The following LYPLAL1 variants were observed in gnomAD, a reference collection of about 807,000 sequenced individuals.
The protein encoded by LYPLAL1 is lysophospholipase-like protein 1.
In LYPLAL1, 23 loss-of-function variants were observed where a neutral mutation model predicts 19.7. That is an observed-to-expected ratio of 1.17 (90% CI 0.84 to 1.65). LYPLAL1 has a LOEUF of 1.65. Among genes scored for constraint, LYPLAL1 ranks in the 40% most tolerant of loss-of-function variants. LYPLAL1 has a pLI of 0.00. For missense variants in LYPLAL1, 355 were observed against 279.4 expected (o/e 1.27, Z -1.93); for synonymous variants, 119 against 96.3 (o/e 1.24, Z -1.38).
the LYPLAL1 span, chr1:219,222,754 T>C: frequency 6.6e-6 from 1 of 152,138 alleles, no homozygotes; most frequent in South Asian, 2.1e-4. Flanking sequence ...CAAAATACCA[T>C]AGAATCATTA....
At chr1:219,228,999 G>T in the LYPLAL1 span, among the ~76,000 whole-genome samples, 1 of 151,950 alleles carries the variant, frequency 6.6e-6, no homozygotes, top group Admixed American at 6.6e-5. Flanking sequence ...TATATGTATT[G>T]TAACTCTTTT....
At chr1:219,246,694 C>CT in the LYPLAL1 span, among the ~76,000 whole-genome samples, 1 of 152,172 alleles carries the variant, frequency 6.6e-6, no homozygotes, top group East Asian at 1.9e-4. Context: ...TCAAGTGATC[C>CT]TCCCACCTCA....
chr1:219,437,579 C>G, the LYPLAL1 span, among the ~76,000 whole-genome samples: 1 of 151,844 alleles, frequency 6.6e-6, no homozygotes, highest in Non-Finnish European at 1.5e-5. Flanking sequence ...CTGCCAGGTA[C>G]CTCTCCCAAA....
chr1:219,382,671 A>T, the LYPLAL1 span, among the ~76,000 whole-genome samples: 1 of 152,188 alleles, frequency 6.6e-6, no homozygotes, highest in African/African-American at 2.4e-5. Context: ...CCAAGTTGCC[A>T]CATATTTTTA....
At chr1:219,279,842 T>C in the LYPLAL1 span, among the ~76,000 whole-genome samples, 1 of 152,162 alleles carries the variant, frequency 6.6e-6, no homozygotes, top group Non-Finnish European at 1.5e-5. Flanking sequence ...AGTCATATTT[T>C]AGCCAGTCAT....
the LYPLAL1 span, among the ~76,000 whole-genome samples, chr1:219,444,757 C>A: frequency 6.6e-6 from 1 of 152,186 alleles, no homozygotes. Flanking sequence ...GCAGGAGAGT[C>A]TTTGATGATG....
the LYPLAL1 span, among the ~76,000 whole-genome samples, chr1:219,285,967 G>GAGAT: frequency 6.6e-6 from 1 of 152,206 alleles, no homozygotes; most frequent in East Asian, 1.9e-4. Context: ...ATTAGAGACA[G>GAGAT]AGATAGAGAT....
At chr1:219,190,856 T>C (rs116040454) in intron 2 of LYPLAL1, among the ~76,000 whole-genome samples, 1 of 151,682 alleles carries the variant, frequency 6.6e-6, no homozygotes, top group African/African-American at 2.4e-5. Context: ...AAATCAATGT[T>C]GATAGTCTCA....
chr1:219,211,824 AAC>A lies in LYPLAL1; in HGVS notation c.*99_*100del. ...AATGATAATTAAAATATTAAGAAAT[AAC>A]ACTTTCCTGACTTTTTTATTATTAA... On this transcript the variant is annotated 3_prime_UTR_variant, in exon 5 of 5. Coordinates refer to ENST00000366928, the MANE Select transcript of LYPLAL1 (RefSeq NM_138794.5). 2 of 790,200 alleles carry A rather than the reference AAC, an allele frequency of 2.5e-6. No individual in the cohort carries two copies. Among genetic ancestry groups the A allele is most frequent in the South Asian group, 2.0e-5 (1 of 49,828 alleles). 48.9% of individuals were successfully genotyped at this position (790,200 alleles called of 1,614,324 possible).
chr1:219,210,852 A>G (rs1263694507), intron 4 of LYPLAL1, among the ~76,000 whole-genome samples: 1 of 152,102 alleles, frequency 6.6e-6, no homozygotes, highest in Non-Finnish European at 1.5e-5. Flanking sequence ...CCCCTGTACA[A>G]GAAATATTGT....
intron 2 of LYPLAL1, among the ~76,000 whole-genome samples, chr1:219,185,658 T>C (rs1400244994): frequency 2.0e-5 from 3 of 151,884 alleles, no homozygotes; most frequent in Non-Finnish European, 2.9e-5. Context: ...ATGGGAAAAC[T>C]TGAAGATTGG....
chr1:219,307,312 C>A, the LYPLAL1 span, among the ~76,000 whole-genome samples: 1 of 152,156 alleles, frequency 6.6e-6, no homozygotes, highest in East Asian at 1.9e-4. Flanking sequence ...ATTTCACACT[C>A]TTTTCTGTTC....
At chr1:219,375,511 A>T in the LYPLAL1 span, among the ~76,000 whole-genome samples, 6 of 151,054 alleles carry the variant, frequency 4.0e-5, no homozygotes, top group African/African-American at 1.2e-4. Flanking sequence ...AAAAAAAAAA[A>T]AAAAGGAACA....
At chr1:219,195,637 G>A (rs974219252) in intron 3 of LYPLAL1, among the ~76,000 whole-genome samples, 3 of 151,974 alleles carry the variant, frequency 2.0e-5, no homozygotes, top group African/African-American at 7.3e-5. Context: ...ATTTTCTGCA[G>A]TATATTACAT....
chr1:219,208,359 A>G (rs1027063593), intron 3 of LYPLAL1, among the ~76,000 whole-genome samples: 2 of 152,134 alleles, frequency 1.3e-5, no homozygotes, highest in Non-Finnish European at 2.9e-5. Flanking sequence ...AATGAAATCC[A>G]GCATTTTAAA....
At chr1:219,265,402 C>T in the LYPLAL1 span, among the ~76,000 whole-genome samples, 2 of 152,132 alleles carry the variant, frequency 1.3e-5, no homozygotes, top group East Asian at 3.9e-4. Flanking sequence ...ACATGTTAAC[C>T]CTGATTCAAG....
chr1:219,177,500 C>T (rs1655915121), intron 1 of LYPLAL1, among the ~76,000 whole-genome samples: 1 of 152,116 alleles, frequency 6.6e-6, no homozygotes, highest in African/African-American at 2.4e-5. Context: ...GTATGCATTA[C>T]AAAGAGGCAC....
chr1:219,292,616 C>T, the LYPLAL1 span, among the ~76,000 whole-genome samples: 64 of 152,164 alleles, frequency 4.2e-4, no homozygotes, highest in Non-Finnish European at 8.7e-4. Flanking sequence ...TTTTACACCT[C>T]ATCTAGTCTT....
At chr1:219,246,660 C>T in the LYPLAL1 span, among the ~76,000 whole-genome samples, 1 of 152,166 alleles carries the variant, frequency 6.6e-6, no homozygotes, top group Non-Finnish European at 1.5e-5. Flanking sequence ...AATTATGGCT[C>T]ACTGCAGCCT....
Sources: gnomAD v4.1 joint callset for allele counts (sites outside exome capture counted in the v4.1 genomes callset) on GRCh38, gnomAD v4.1.1 for gene constraint, MANE v1.5 for transcripts, NCBI Gene and HGNC (gene_info 2026-07-23, HGNC 2026-07-21) for gene names.